SNX13: variants seen among roughly 807,000 people sequenced by gnomAD.
The protein encoded by SNX13 is sorting nexin-13.
Under a neutral mutation model 133.6 loss-of-function variants are expected in SNX13, and 45 were observed. The observed-to-expected ratio is 0.34, with a 90% confidence interval of 0.27 to 0.43. SNX13 has a LOEUF of 0.43. Ranked by LOEUF, SNX13 falls within the 20% of genes least tolerant of loss-of-function variation. SNX13 has a pLI of 1.00. For missense variants in SNX13, 1,032 were observed against 1,145.1 expected (o/e 0.90, Z 1.43); for synonymous variants, 414 against 373.9 (o/e 1.11, Z -1.24).
intron 9 of SNX13, among the ~76,000 whole-genome samples, chr7:17,851,738 G>T (rs919812308): frequency 6.6e-6 from 1 of 151,932 alleles, no homozygotes; most frequent in African/African-American, 2.4e-5. Flanking sequence ...CGGGGAGTCG[G>T]GGAGGCAAAA....
intron 5 of SNX13, chr7:17,888,519 T>A (rs1363388177): frequency 4.2e-6 from 1 of 237,464 alleles, no homozygotes; most frequent in Non-Finnish European, 8.6e-6. Context: ...AAGAACAATT[T>A]GATTCTAACT....
chr7:17,805,289 A>T (rs1241098420), intron 20 of SNX13, among the ~76,000 whole-genome samples: 1 of 140,090 alleles, frequency 7.1e-6, no homozygotes, highest in Non-Finnish European at 1.6e-5. Context: ...GTGTAATTCT[A>T]ATTCTATATA....
At position 17,791,310 on chromosome 7, in the gene SNX13, T is replaced by TA. The variant is rs1173566791; in HGVS notation, c.*2734_*2735insT. On this transcript the variant is annotated 3_prime_UTR_variant, in exon 26 of 26. Coordinates refer to ENST00000428135, the MANE Select transcript of SNX13 (RefSeq NM_015132.5). ...CACTTTCTGGTAGCACTTAACTGAT[T>TA]GATTTTTCTTCCCAAATACCAGCAG... The TA allele has an allele frequency of 6.6e-6, 1 of 151,862 alleles. No homozygotes were observed. The highest frequency in any genetic ancestry group is 1.5e-5 in the Non-Finnish European group (1 of 67,850). The allele number at this position is 151,862 out of a possible 1,614,324, so 9.4% of individuals were successfully genotyped here. A position where few individuals can be genotyped will look rare whatever the true frequency, so the allele number is the denominator to read the frequency against.
chr7:17,801,875 G>A (rs773889867), intron 21 of SNX13, among the ~76,000 whole-genome samples: 4 of 151,946 alleles, frequency 2.6e-5, no homozygotes, highest in Non-Finnish European at 5.9e-5. Context: ...TGACTTTTGA[G>A]TTAGAAATAA....
chr7:17,914,511 T>C (rs906677987), intron 1 of SNX13, among the ~76,000 whole-genome samples: 1 of 151,956 alleles, frequency 6.6e-6, no homozygotes, highest in Non-Finnish European at 1.5e-5. Context: ...GGCAAACCCA[T>C]CAAACTAACA....
chr7:17,805,987 A>G (rs745506051), intron 20 of SNX13, among the ~76,000 whole-genome samples: 1 of 152,208 alleles, frequency 6.6e-6, no homozygotes, highest in African/African-American at 2.4e-5. Flanking sequence ...ATTTCCAAAA[A>G]CAAGATTTGT....
In SNX13 at chr7:17,821,623, T is replaced by C. The variant is rs777896979; in HGVS notation, c.1731A>G (p.Thr577=). The change falls in exon 18 of 26, where the codon ACA becomes ACG. Residue 577 remains threonine (T), a synonymous_variant. Transcript: ENST00000428135. ...DTGVCNDHGK[T]YALYAITVHR... is the part of the protein sequence containing the mutation. ...GTACAGTGATGGCATATAATGCATA[T>C]GTCTTGCCATGATCATTACAAACGC... The C allele has an allele frequency of 3.9e-5, 63 of 1,613,618 alleles. No homozygotes were observed. The highest frequency in any genetic ancestry group is 5.3e-5 in the Non-Finnish European group (62 of 1,179,652).
chr7:17,919,877 T>G (rs554580801), intron 1 of SNX13, among the ~76,000 whole-genome samples: 1 of 152,120 alleles, frequency 6.6e-6, no homozygotes, highest in African/African-American at 2.4e-5. Context: ...ACACCTGTAA[T>G]CCCAGGACTT....
At chr7:17,865,901 C>G (rs991949124) in intron 9 of SNX13, among the ~76,000 whole-genome samples, 1 of 152,136 alleles carries the variant, frequency 6.6e-6, no homozygotes, top group Non-Finnish European at 1.5e-5. Context: ...AAAACAGTCA[C>G]TTTAATAAAT....
intron 1 of SNX13, among the ~76,000 whole-genome samples, chr7:17,932,650 C>T (rs568723558): frequency 7.8e-4 from 119 of 152,212 alleles, no homozygotes; most frequent in Admixed American, 2.6e-3. Flanking sequence ...ATGTAACAAG[C>T]AAATAAATAT....
chr7:17,897,457 G>C lies in SNX13; in HGVS notation c.13-11C>G. The stretch of plus-strand genomic sequence containing the variant: ...TATGGATAGACTGGCCTGAAATACA[G>C]AAAAAATATAAGTAAATTAGTAAAT... On this transcript the variant is annotated splice_polypyrimidine_tract_variant and intron_variant, in intron 1 of 25. Coordinates refer to ENST00000428135, the MANE Select transcript of SNX13 (RefSeq NM_015132.5). 1 of 1,445,576 alleles carries C rather than the reference G, an allele frequency of 6.9e-7. No individual in the cohort carries two copies. Among genetic ancestry groups the C allele is most frequent in the Non-Finnish European group, 9.4e-7 (1 of 1,065,450 alleles). The allele number at this position is 1,445,576 out of a possible 1,614,324, so 89.5% of individuals were successfully genotyped here.
intron 17 of SNX13, among the ~76,000 whole-genome samples, chr7:17,823,234 TTA>T (rs1314302258): frequency 6.6e-6 from 1 of 152,126 alleles, no homozygotes; most frequent in African/African-American, 2.4e-5. Flanking sequence ...TCAGCTATAC[TTA>T]TAATATTGTT....
intron 15 of SNX13, chr7:17,831,425 T>C (rs1788473487): frequency 1.1e-6 from 1 of 893,234 alleles, no homozygotes; most frequent in Admixed American, 6.3e-5. Context: ...AAAGTAATAA[T>C]GAATAAAGAG....
intron 1 of SNX13, among the ~76,000 whole-genome samples, chr7:17,926,470 T>G (rs544397590): frequency 3.5e-4 from 53 of 152,248 alleles, no homozygotes; most frequent in Non-Finnish European, 6.2e-4. Context: ...TAAAATTAAT[T>G]TTTTCCTAAT....
intron 15 of SNX13, chr7:17,831,948 C>T (rs989876566): frequency 5.1e-6 from 5 of 983,262 alleles, no homozygotes; most frequent in Non-Finnish European, 6.0e-6. Context: ...CATATTATAC[C>T]CATCACTCCA....
chr7:17,869,574 T>C (rs1338846312), intron 8 of SNX13, among the ~76,000 whole-genome samples: 1 of 152,126 alleles, frequency 6.6e-6, no homozygotes, highest in Non-Finnish European at 1.5e-5. Context: ...GTGGTCTTTA[T>C]TTTTAGTAAA....
At chr7:17,939,689 G>GTGA (rs1431927158) in intron 1 of SNX13, among the ~76,000 whole-genome samples, 2 of 152,230 alleles carry the variant, frequency 1.3e-5, no homozygotes, top group Non-Finnish European at 2.9e-5. Context: ...ACTGAACTTT[G>GTGA]TGATGACCAC....
chr7:17,932,012 C>T (rs1801442100), intron 1 of SNX13, among the ~76,000 whole-genome samples: 1 of 152,168 alleles, frequency 6.6e-6, no homozygotes. Flanking sequence ...AACTTTGAAA[C>T]CACGGCCAAA....
At position 17,875,741 on chromosome 7, in the gene SNX13, C is replaced by A. The variant is rs748751778; in HGVS notation, c.490G>T (p.Asp164Tyr). The change falls in exon 6 of 26, where the codon GAC becomes TAC. Residue 164 changes from aspartate (D) to tyrosine (Y), a missense_variant. Coordinates refer to ENST00000428135, the MANE Select transcript of SNX13 (RefSeq NM_015132.5). ...QPYFTTRIVD[D>Y]FGTHLRVFRK... ...AATACTCGTAAGTGTGTGCCAAAGT[C>A]ATCTACAATGCGTGTAGTAAAATAA... is the stretch of plus-strand genomic sequence containing the variant. 6.2e-7 allele frequency: 1 copy of A among 1,612,532 alleles called. No homozygotes were observed. Among genetic ancestry groups the A allele is most frequent in the Non-Finnish European group, 8.5e-7 (1 of 1,179,144 alleles).
Sources: gnomAD v4.1 joint callset for allele counts (sites outside exome capture counted in the v4.1 genomes callset) on GRCh38, gnomAD v4.1.1 for gene constraint, MANE v1.5 for transcripts, NCBI Gene and HGNC (gene_info 2026-07-23, HGNC 2026-07-21) for gene names.